The following SUGCT variants were observed in gnomAD, a reference collection of about 807,000 sequenced individuals.
SUGCT encodes the protein succinyl-CoA:glutarate-CoA transferase.
A neutral mutation model predicts 55.0 loss-of-function variants in SUGCT; 41 were observed. The observed-to-expected ratio is 0.74, with a 90% CI of 0.58 to 0.97. The LOEUF is 0.97. Among genes scored for constraint, SUGCT ranks in the 50% least tolerant of loss-of-function variants. The pLI, the probability that SUGCT is intolerant of heterozygous loss-of-function variation, is 0.00. For missense variants in SUGCT, 568 were observed against 547.8 expected, an observed-to-expected ratio of 1.04 and a Z score of -0.37; for synonymous variants, 187 against 200.4, an observed-to-expected ratio of 0.93 and a Z score of 0.56.
In SUGCT at chr7:40,581,436, CT is replaced by C. The variant is rs147626534; in HGVS notation, c.1089+85053del. 3.0e-3 allele frequency among the ~76,000 whole-genome samples: 454 copies of C among 152,274 alleles called. 7 individuals carry two copies. Among genetic ancestry groups the C allele is most frequent in the East Asian group, 0.03 (154 of 5,184 alleles). ...TGCAAACTTGACATACCTTGATTTA[CT>C]TTCAAAACTAAAGGCAGAAGAGGTA... On this transcript the variant is annotated intron_variant, in intron 12 of 13. Coordinates refer to ENST00000335693, the MANE Select transcript of SUGCT (RefSeq NM_001193313.2).
chr7:40,400,990 T>C (rs1786035159), intron 9 of SUGCT, among the ~76,000 whole-genome samples: 1 of 152,194 alleles, frequency 6.6e-6, no homozygotes, highest in African/African-American at 2.4e-5. Context: ...CCCTTGGAAG[T>C]TGCTAAAATG....
At chr7:40,734,882 A>G (rs1787079301) in intron 12 of SUGCT, among the ~76,000 whole-genome samples, 1 of 152,150 alleles carries the variant, frequency 6.6e-6, no homozygotes, top group South Asian at 2.1e-4. Context: ...TGGACTCCCA[A>G]ATTCTTGCCT....
intron 6 of SUGCT, among the ~76,000 whole-genome samples, chr7:40,213,854 T>C (rs1787479479): frequency 6.6e-6 from 1 of 152,210 alleles, no homozygotes; most frequent in Non-Finnish European, 1.5e-5. Flanking sequence ...GACTTTTGTG[T>C]CTTTCTGACA....
chr7:40,149,874 G>A (rs532191259), intron 1 of SUGCT, among the ~76,000 whole-genome samples: 2 of 152,098 alleles, frequency 1.3e-5, no homozygotes, highest in South Asian at 2.1e-4. Context: ...AGCTGAGATC[G>A]CGCCATCGCA....
intron 6 of SUGCT, among the ~76,000 whole-genome samples, chr7:40,213,967 CT>C (rs1212650122): frequency 1.3e-5 from 2 of 152,092 alleles, no homozygotes; most frequent in Non-Finnish European, 2.9e-5. Flanking sequence ...GATAAATTAT[CT>C]CATGGAATCC....
chr7:40,762,861 G>A (rs910056159), intron 13 of SUGCT, among the ~76,000 whole-genome samples: 1 of 151,244 alleles, frequency 6.6e-6, no homozygotes, highest in Admixed American at 6.6e-5. Context: ...AGGCTGGAGT[G>A]CAGTGCACTG....
downstream of SUGCT, among the ~76,000 whole-genome samples, chr7:40,863,770 G>C (rs571042458): frequency 1.3e-4 from 20 of 152,108 alleles, no homozygotes; most frequent in Non-Finnish European, 2.8e-4. Flanking sequence ...TGGAATTCTT[G>C]AGGTACAACG....
chr7:40,952,098 G>C, the SUGCT span, among the ~76,000 whole-genome samples: 41 of 152,264 alleles, frequency 2.7e-4, 2 homozygotes, highest in East Asian at 2.9e-3. Context: ...AAGTCTCTTT[G>C]TAGGTCTCTA....
At chr7:40,957,726 G>T in the SUGCT span, among the ~76,000 whole-genome samples, 1 of 151,874 alleles carries the variant, frequency 6.6e-6, no homozygotes, top group South Asian at 2.1e-4. Flanking sequence ...TGGTTATTTT[G>T]CCTGTTAGTT....
In SUGCT at chr7:40,422,675, A is replaced by C. The variant is rs143666598; in HGVS notation, c.817-26612A>C. On this transcript the variant is annotated intron_variant, in intron 9 of 13. Coordinates refer to ENST00000335693, the MANE Select transcript of SUGCT (RefSeq NM_001193313.2). Reference sequence around the variant, plus strand: ...GTAGGCACTCAATGAATATTTGTTGAATTAAACATCAGGTGTCTTGGGTAG... The same window carrying C: ...GTAGGCACTCAATGAATATTTGTTGCATTAAACATCAGGTGTCTTGGGTAG... Among the ~76,000 whole-genome samples, 67 of 152,284 alleles carry C rather than the reference A, an allele frequency of 4.4e-4. No homozygotes were observed. The East Asian group carries it at 0.012, about 28-fold the overall frequency.
chr7:40,509,734 T>G (rs1410500554), intron 12 of SUGCT, among the ~76,000 whole-genome samples: 1 of 151,618 alleles, frequency 6.6e-6, no homozygotes, highest in Non-Finnish European at 1.5e-5. Context: ...GATACAGGAG[T>G]AAAAAAGTTA....
intron 12 of SUGCT, among the ~76,000 whole-genome samples, chr7:40,725,113 T>C (rs1245152831): frequency 6.6e-6 from 1 of 152,148 alleles, no homozygotes; most frequent in Non-Finnish European, 1.5e-5. Flanking sequence ...TGCTTTCTCT[T>C]CCCAGGACTT....
chr7:40,981,989 C>T, the SUGCT span, among the ~76,000 whole-genome samples: 33 of 152,332 alleles, frequency 2.2e-4, no homozygotes, highest in African/African-American at 6.3e-4. Context: ...CTTGTGGCCC[C>T]GTCAAGTTGA....
At chr7:40,350,379 T>A (rs1302728367) in intron 9 of SUGCT, among the ~76,000 whole-genome samples, 1 of 151,410 alleles carries the variant, frequency 6.6e-6, no homozygotes, top group Admixed American at 6.6e-5. Context: ...GGTGGCACGA[T>A]CTCAGTTCAC....
chr7:40,258,836 A>G (rs1791015830), intron 7 of SUGCT, among the ~76,000 whole-genome samples: 1 of 152,238 alleles, frequency 6.6e-6, no homozygotes, highest in Non-Finnish European at 1.5e-5. Flanking sequence ...CAATGGGCAT[A>G]TACTCAAGCG....
intron 7 of SUGCT, among the ~76,000 whole-genome samples, chr7:40,253,686 A>C (rs1454405720): frequency 6.6e-6 from 1 of 152,108 alleles, no homozygotes; most frequent in Non-Finnish European, 1.5e-5. Flanking sequence ...ACGCACGGCT[A>C]ATTTTTCTAT....
intron 13 of SUGCT, among the ~76,000 whole-genome samples, chr7:40,809,465 AG>A (rs1468389677): frequency 1.2e-4 from 18 of 152,096 alleles, no homozygotes; most frequent in Non-Finnish European, 2.9e-5. Context: ...CACCCAAAAA[AG>A]TAACTTATTT....
chr7:40,483,466 TATC>T (rs1240676715), intron 11 of SUGCT, among the ~76,000 whole-genome samples: 1 of 152,214 alleles, frequency 6.6e-6, no homozygotes, highest in African/African-American at 2.4e-5. Flanking sequence ...TCATTTAACT[TATC>T]ATAATAAGCT....
At chr7:40,609,322 T>C (rs1798662008) in intron 12 of SUGCT, among the ~76,000 whole-genome samples, 1 of 152,004 alleles carries the variant, frequency 6.6e-6, no homozygotes, top group Non-Finnish European at 1.5e-5. Flanking sequence ...ATCCCAGCAC[T>C]TTGGGAGGCC....
Sources: allele counts gnomAD v4.1 joint callset (sites outside exome capture counted in the v4.1 genomes callset), GRCh38; gene constraint gnomAD v4.1.1; transcripts MANE v1.5; gene names NCBI Gene and HGNC (gene_info 2026-07-23, HGNC 2026-07-21).